DENND1A: variants seen among roughly 807,000 people sequenced by gnomAD.
DENND1A encodes the protein DENN domain containing 1A, also known as DENN domain-containing protein 1A.
In DENND1A, 51 loss-of-function variants were observed where a neutral mutation model predicts 113.7. The ratio of observed to expected loss-of-function variants is 0.45; its 90% CI spans 0.36 to 0.57. The LOEUF (loss-of-function observed/expected upper bound fraction) is 0.57. DENND1A is among the 20% of genes least tolerant of loss of function. DENND1A has a pLI of 0.00. For missense variants in DENND1A, 1,258 were observed against 1,395.9 expected (o/e 0.90, Z 1.57); for synonymous variants, 565 against 570.8 (o/e 0.99, Z 0.14).
intron 20 of DENND1A, among the ~76,000 whole-genome samples, chr9:123,410,278 G>A (rs1307675694): frequency 1.3e-5 from 2 of 152,096 alleles, no homozygotes; most frequent in Admixed American, 6.6e-5. Flanking sequence ...TAGCTCTGTC[G>A]GCCCCCCAAA....
At chr9:123,676,636 G>A in intron 6 of DENND1A, 84 bp downstream of exon 6, 1 of 1,338,842 alleles carries the variant, frequency 7.5e-7, no homozygotes, top group East Asian at 2.5e-5. Context: ...CACTTTTTTG[G>A]TAAAATATAA....
chr9:123,745,429 A>G (rs2069408343), intron 5 of DENND1A, among the ~76,000 whole-genome samples: 1 of 152,280 alleles, frequency 6.6e-6, no homozygotes, highest in Admixed American at 6.5e-5. Flanking sequence ...TTAAAAAGCA[A>G]GGAGCTAGTG....
chr9:123,538,321 C>T lies in DENND1A; in HGVS notation c.993+19249G>A, dbSNP rs998909983. The stretch of plus-strand genomic sequence containing the variant: ...ATCAATATGAACGACAAGAGATTTA[C>T]GTACATAAGCATATGTTTCCTAGCT... On this transcript the variant is annotated intron_variant, in intron 13 of 23. Transcript: ENST00000394215. 7.2e-5 allele frequency among the ~76,000 whole-genome samples: 11 copies of T among 152,116 alleles called. 1 individual carries two copies. Among genetic ancestry groups the T allele is most frequent in the Admixed American group, 2.6e-4 (4 of 15,272 alleles).
At chr9:123,585,082 CT>C (rs1392187614) in intron 11 of DENND1A, among the ~76,000 whole-genome samples, 9 of 151,616 alleles carry the variant, frequency 5.9e-5, no homozygotes, top group African/African-American at 1.7e-4. Context: ...ACAAGCCTCA[CT>C]AGGATTGAAA....
chr9:123,905,900 A>G (rs1239764831), intron 1 of DENND1A, among the ~76,000 whole-genome samples: 49 of 151,232 alleles, frequency 3.2e-4, no homozygotes, highest in African/African-American at 1.1e-3. Context: ...TCAACAGAAT[A>G]TACATTTTTT....
chr9:123,738,486 G>A (rs2068744034), intron 5 of DENND1A, among the ~76,000 whole-genome samples: 3 of 127,342 alleles, frequency 2.4e-5, no homozygotes. Flanking sequence ...TGTGTGTAGT[G>A]ATGTTTTTGT....
chr9:123,887,882 C>G (rs1235390650), intron 1 of DENND1A, among the ~76,000 whole-genome samples: 1 of 152,150 alleles, frequency 6.6e-6, no homozygotes, highest in African/African-American at 2.4e-5. Context: ...ATGACTTATA[C>G]AAAGTTGGAT....
intron 19 of DENND1A, among the ~76,000 whole-genome samples, chr9:123,412,122 C>T (rs939668289): frequency 3.9e-5 from 6 of 152,326 alleles, no homozygotes; most frequent in Admixed American, 2.6e-4. Context: ...TGCAATAGGG[C>T]GAGCCCACCC....
chr9:123,786,261 G>T (rs534632705), intron 3 of DENND1A, among the ~76,000 whole-genome samples: 9 of 151,680 alleles, frequency 5.9e-5, no homozygotes, highest in African/African-American at 2.2e-4. Context: ...CAACCTAAAA[G>T]GTGACCTTTA....
At chr9:123,862,178 T>C (rs116429549) in intron 2 of DENND1A, among the ~76,000 whole-genome samples, 25 of 152,340 alleles carry the variant, frequency 1.6e-4, no homozygotes, top group African/African-American at 5.3e-4. Flanking sequence ...CTGACACCCA[T>C]AAAGTATATT....
intron 1 of DENND1A, among the ~76,000 whole-genome samples, chr9:123,890,957 AT>A (rs202229504): frequency 1.1e-4 from 16 of 151,520 alleles, no homozygotes; most frequent in African/African-American, 2.4e-4. Flanking sequence ...TATTCCACTA[AT>A]TTTTTTTTAA....
At chr9:123,717,138 C>T (rs2067025591) in intron 5 of DENND1A, among the ~76,000 whole-genome samples, 1 of 152,084 alleles carries the variant, frequency 6.6e-6, no homozygotes, top group Non-Finnish European at 1.5e-5. Context: ...CCAGGCAACC[C>T]AGATACTACT....
intron 8 of DENND1A, 153 bp from the exon 9 acceptor site, chr9:123,652,276 C>T: frequency 1.6e-6 from 1 of 625,276 alleles, no homozygotes; most frequent in East Asian, 2.9e-5. Flanking sequence ...CAAATCCCCA[C>T]ATGTGTAAAA....
At chr9:123,650,034 GAT>G (rs1257093750) in intron 9 of DENND1A, among the ~76,000 whole-genome samples, 1 of 152,136 alleles carries the variant, frequency 6.6e-6, no homozygotes, top group Non-Finnish European at 1.5e-5. Context: ...CCACTGAGAC[GAT>G]GTCATGTTTT....
chr9:123,409,684 G>C (rs1458901173), intron 20 of DENND1A, among the ~76,000 whole-genome samples: 1 of 152,116 alleles, frequency 6.6e-6, no homozygotes, highest in Non-Finnish European at 1.5e-5. Context: ...GTGAGGCGCA[G>C]CTGGGATGAG....
At chr9:123,898,101 C>G (rs1267929916) in intron 1 of DENND1A, among the ~76,000 whole-genome samples, 4 of 152,110 alleles carry the variant, frequency 2.6e-5, no homozygotes, top group Admixed American at 1.3e-4. Flanking sequence ...CTGTGCCCAG[C>G]CCAGACTTTG....
intron 11 of DENND1A, among the ~76,000 whole-genome samples, chr9:123,583,485 G>C (rs982787199): frequency 6.6e-6 from 1 of 152,120 alleles, no homozygotes; most frequent in East Asian, 1.9e-4. Context: ...CAAGTCCCAG[G>C]AGTGAAAAGG....
At chr9:123,684,905 G>T (rs1414778402) in intron 5 of DENND1A, among the ~76,000 whole-genome samples, 1 of 152,158 alleles carries the variant, frequency 6.6e-6, no homozygotes, top group African/African-American at 2.4e-5. Context: ...CAGCAGCACT[G>T]GGTCAGTGCT....
chr9:123,929,360 G>A (rs906263340), intron 1 of DENND1A, among the ~76,000 whole-genome samples: 1 of 152,186 alleles, frequency 6.6e-6, no homozygotes, highest in African/African-American at 2.4e-5. Flanking sequence ...GATAAGAGGG[G>A]GGAAATAGAG....
Sources: gnomAD v4.1 joint callset for allele counts (sites outside exome capture counted in the v4.1 genomes callset) on GRCh38, gnomAD v4.1.1 for gene constraint, MANE v1.5 for transcripts, NCBI Gene and HGNC (gene_info 2026-07-23, HGNC 2026-07-21) for gene names.